Variants in CERS6 observed in about 807,000 individuals in gnomAD.
CERS6 encodes the protein ceramide synthase 6.
CERS6 carries 26 observed loss-of-function variants against 56.8 expected under a neutral mutation model. That is an observed-to-expected ratio of 0.46 (90% CI 0.34 to 0.63). CERS6 has a LOEUF of 0.63. Ranked by LOEUF, CERS6 falls within the 30% of genes least tolerant of loss-of-function variation. The probability of loss-of-function intolerance (pLI) is 0.01; values close to 1 mark genes in which losing one functional copy is unlikely to be tolerated. For missense variants in CERS6, 415 were observed against 467.5 expected, an observed-to-expected ratio of 0.89 and a Z score of 1.04; for synonymous variants, 164 against 173.3, an observed-to-expected ratio of 0.95 and a Z score of 0.42.
At chr2:168,476,948 T>A (rs986615915) in intron 1 of CERS6, among the ~76,000 whole-genome samples, 1 of 152,128 alleles carries the variant, frequency 6.6e-6, no homozygotes, top group Non-Finnish European at 1.5e-5. Flanking sequence ...CCAGTGAAGT[T>A]GACACCCAAA....
At chr2:168,688,110 A>G (rs781200985) in intron 4 of CERS6, among the ~76,000 whole-genome samples, 2 of 151,730 alleles carry the variant, frequency 1.3e-5, no homozygotes, top group Non-Finnish European at 2.9e-5. Flanking sequence ...TTGCCATGCA[A>G]CCTCCTAGGT....
chr2:168,605,400 G>A (rs1054056921), intron 3 of CERS6, among the ~76,000 whole-genome samples: 12 of 152,160 alleles, frequency 7.9e-5, no homozygotes, highest in African/African-American at 2.4e-4. Context: ...TGGAACTTAC[G>A]TAATATTTAA....
chr2:168,701,474 T>TG (rs1686802602), intron 6 of CERS6, among the ~76,000 whole-genome samples: 1 of 152,176 alleles, frequency 6.6e-6, no homozygotes, highest in Non-Finnish European at 1.5e-5. Context: ...AATGCAGAAG[T>TG]AATCATGGGC....
At chr2:168,747,870 T>G (rs2105440765) in intron 8 of CERS6, among the ~76,000 whole-genome samples, 1 of 151,966 alleles carries the variant, frequency 6.6e-6, no homozygotes, top group East Asian at 1.9e-4. Context: ...TTTGCCAAAT[T>G]ATCTGAAATT....
At chr2:168,613,436 G>A (rs890763737) in intron 3 of CERS6, among the ~76,000 whole-genome samples, 3 of 152,216 alleles carry the variant, frequency 2.0e-5, no homozygotes, top group Non-Finnish European at 2.9e-5. Context: ...GGCAAGAGAA[G>A]CAGAGGGTTG....
At chr2:168,481,891 T>C (rs546538880) in intron 1 of CERS6, among the ~76,000 whole-genome samples, 1 of 152,374 alleles carries the variant, frequency 6.6e-6, no homozygotes, top group South Asian at 2.1e-4. Flanking sequence ...GGAGTAGTTT[T>C]GGTTTAGAAG....
chr2:168,513,410 A>G (rs1273736686), intron 1 of CERS6, among the ~76,000 whole-genome samples: 3 of 152,092 alleles, frequency 2.0e-5, no homozygotes, highest in East Asian at 3.9e-4. Flanking sequence ...TAGTCACATC[A>G]TCTTAGGCTC....
chr2:168,464,174 T>TTGTGTGTGTGTGTGTGTGTGTG (rs35372610), intron 1 of CERS6, among the ~76,000 whole-genome samples: 3 of 139,696 alleles, frequency 2.1e-5, no homozygotes, highest in Non-Finnish European at 4.6e-5. Context: ...TTTATACTTT[T>TTGTGTGTGTGTGTGTGTGTGTG]TGTGTGTGTG....
At chr2:168,642,532 G>A (rs1480784285) in intron 4 of CERS6, among the ~76,000 whole-genome samples, 1 of 152,184 alleles carries the variant, frequency 6.6e-6, no homozygotes, top group African/African-American at 2.4e-5. Flanking sequence ...AGAAGTGAGT[G>A]AAGGATGCTT....
rs548806008 is a variant in CERS6, at chr2:168,603,929, C to T, written c.408-27056C>T. Reference sequence around the variant, plus strand: ...AGTCTATATCCAAGTCTGTCTCTAGCTCTGAATCTCCACATCTTATTGACC... The same window carrying T: ...AGTCTATATCCAAGTCTGTCTCTAGTTCTGAATCTCCACATCTTATTGACC... On this transcript the variant is annotated intron_variant, in intron 3 of 9. Coordinates refer to ENST00000305747, the MANE Select transcript of CERS6 (RefSeq NM_203463.3). Among the ~76,000 whole-genome samples the T allele has an allele frequency of 1.6e-3, 240 of 152,296 alleles. 2 individuals carry two copies. Among genetic ancestry groups the T allele is most frequent in the African/African-American group, 5.4e-3 (226 of 41,564 alleles).
At chr2:168,673,214 T>C (rs892082858) in intron 4 of CERS6, among the ~76,000 whole-genome samples, 4 of 152,248 alleles carry the variant, frequency 2.6e-5, no homozygotes, top group African/African-American at 9.6e-5. Context: ...TATAAAACTT[T>C]AGCCTCACAG....
chr2:168,759,223 T>C (rs542731044), intron 8 of CERS6, among the ~76,000 whole-genome samples: 16 of 152,250 alleles, frequency 1.1e-4, no homozygotes, highest in African/African-American at 3.1e-4. Context: ...AAATGCAGGA[T>C]GAAAAAAGGT....
At chr2:168,671,979 G>T (rs1685930361) in intron 4 of CERS6, among the ~76,000 whole-genome samples, 1 of 152,138 alleles carries the variant, frequency 6.6e-6, no homozygotes, top group Non-Finnish European at 1.5e-5. Context: ...CTATTAAGTG[G>T]AATTACACCT....
chr2:168,683,489 A>G (rs1050415251), intron 4 of CERS6, among the ~76,000 whole-genome samples: 3 of 152,154 alleles, frequency 2.0e-5, no homozygotes, highest in Non-Finnish European at 2.9e-5. Context: ...TCTGTTGTCA[A>G]TCATTTCTCT....
At chr2:168,491,764 G>A (rs565532956) in intron 1 of CERS6, among the ~76,000 whole-genome samples, 73 of 151,838 alleles carry the variant, frequency 4.8e-4, no homozygotes, top group African/African-American at 1.6e-3. Context: ...TAATGCTATC[G>A]CCTCCCCTAG....
intron 3 of CERS6, among the ~76,000 whole-genome samples, chr2:168,608,734 A>C (rs1244542718): frequency 6.6e-6 from 1 of 152,142 alleles, no homozygotes; most frequent in East Asian, 1.9e-4. Context: ...TGTACTATTG[A>C]GTTTTAAGAG....
At chr2:168,750,631 A>G (rs1466707948) in intron 8 of CERS6, among the ~76,000 whole-genome samples, 1 of 152,214 alleles carries the variant, frequency 6.6e-6, no homozygotes, top group Admixed American at 6.5e-5. Context: ...TGAAAAAGTC[A>G]TTATTTGATG....
intron 1 of CERS6, among the ~76,000 whole-genome samples, chr2:168,473,652 C>T (rs78678389): frequency 0.055 from 8,386 of 151,848 alleles, 337 homozygotes; most frequent in East Asian, 0.18. Flanking sequence ...AATATGATAC[C>T]TCTTGATTTA....
intron 2 of CERS6, 74 bp from the exon 3 acceptor site, chr2:168,561,118 A>G: frequency 6.6e-7 from 1 of 1,507,518 alleles, no homozygotes; most frequent in Non-Finnish European, 9.1e-7. Context: ...TCTCAGATAT[A>G]GACAAGGGCA....
Sources: allele counts gnomAD v4.1 joint callset (sites outside exome capture counted in the v4.1 genomes callset), GRCh38; gene constraint gnomAD v4.1.1; transcripts MANE v1.5; gene names NCBI Gene and HGNC (gene_info 2026-07-23, HGNC 2026-07-21).